The following KAT6A variants were observed in gnomAD, a reference collection of about 807,000 sequenced individuals.
KAT6A encodes lysine acetyltransferase 6A.
A neutral mutation model predicts 198.4 loss-of-function variants in KAT6A; 9 were observed. The ratio of observed to expected loss-of-function variants is 0.05; its 90% confidence interval spans 0.03 to 0.08. The LOEUF (loss-of-function observed/expected upper bound fraction) is 0.08, where lower values mean the gene tolerates loss of function less well. Among genes scored for constraint, KAT6A ranks in the 10% least tolerant of loss-of-function variants. The probability of loss-of-function intolerance (pLI) is 1.00; values close to 1 mark genes in which losing one functional copy is unlikely to be tolerated. For synonymous variants in KAT6A, 890 were observed against 883.0 expected, an observed-to-expected ratio of 1.01 and a Z score of -0.14; for missense variants, 2,077 against 2,509.9, an observed-to-expected ratio of 0.83 and a Z score of 3.69.
At chr8:42,012,654 G>A (rs990173575) in intron 2 of KAT6A, among the ~76,000 whole-genome samples, 1 of 152,210 alleles carries the variant, frequency 6.6e-6, no homozygotes, top group Non-Finnish European at 1.5e-5. Context: ...CCGACCCTCA[G>A]GATAGTGAGG....
At chr8:41,968,589 T>C (rs1349033746) in intron 8 of KAT6A, among the ~76,000 whole-genome samples, 6 of 152,218 alleles carry the variant, frequency 3.9e-5, no homozygotes, top group Admixed American at 3.3e-4. Flanking sequence ...GATCTAGAGC[T>C]AGAAATACCA....
At chr8:42,031,737 C>A (rs1220884756) in intron 2 of KAT6A, among the ~76,000 whole-genome samples, 1 of 141,566 alleles carries the variant, frequency 7.1e-6, no homozygotes, top group African/African-American at 2.6e-5. Context: ...TCAAGCAATT[C>A]TCCCTGCCTC....
chr8:42,005,782 A>ACT (rs1825711756), intron 2 of KAT6A, among the ~76,000 whole-genome samples: 1 of 139,428 alleles, frequency 7.2e-6, no homozygotes, highest in African/African-American at 2.8e-5. Flanking sequence ...ACACACACAC[A>ACT]CACACACACA....
intron 2 of KAT6A, among the ~76,000 whole-genome samples, chr8:42,001,771 A>G (rs1381338989): frequency 6.6e-6 from 1 of 152,168 alleles, no homozygotes; most frequent in African/African-American, 2.4e-5. Flanking sequence ...TACAACAAGG[A>G]ATAGGGGCTT....
intron 14 of KAT6A, 65 bp from the exon 15 acceptor site, chr8:41,941,509 T>C: frequency 1.3e-6 from 2 of 1,481,782 alleles, no homozygotes; most frequent in Non-Finnish European, 1.8e-6. Flanking sequence ...ATTTACCTAT[T>C]CTGACCTTTT....
intron 2 of KAT6A, among the ~76,000 whole-genome samples, chr8:42,034,223 G>A (rs1827265061): frequency 6.6e-6 from 1 of 152,228 alleles, no homozygotes; most frequent in African/African-American, 2.4e-5. Context: ...TCGAACTCAA[G>A]CGTGCATCAG....
Position 41,933,789 on chromosome 8 carries a change from T to C in KAT6A, c.4431A>G (p.Ser1477=), listed in dbSNP as rs199941114. The change falls in exon 17 of 17, where the codon TCA becomes TCG. Residue 1477 remains serine (S), a synonymous_variant. Coordinates refer to ENST00000265713, the MANE Select transcript of KAT6A (RefSeq NM_006766.5). The surrounding 1 kb of genome is among the most constrained non-coding windows in gnomAD (Gnocchi z 6.2). ...CGGAGGAGATAGGGCTATTATGTTC[T>C]GACGCATGACAGTCTTCAACCATGG... ...QMSMVEDCHA[S]EHNSPISSVQ... The C allele has an allele frequency of 1.2e-6, 2 of 1,614,134 alleles. No homozygotes were observed. The highest frequency in any genetic ancestry group is 8.5e-7 in the Non-Finnish European group (1 of 1,180,014).
At chr8:42,050,849 A>G (rs1014512447) in intron 1 of KAT6A, among the ~76,000 whole-genome samples, 1 of 152,104 alleles carries the variant, frequency 6.6e-6, no homozygotes, top group East Asian at 1.9e-4. Flanking sequence ...ATCAGTCTCC[A>G]GGTCTTCGGA....
At chr8:41,967,810 A>T (rs1231954436) in intron 8 of KAT6A, among the ~76,000 whole-genome samples, 3 of 152,136 alleles carry the variant, frequency 2.0e-5, no homozygotes, top group African/African-American at 7.2e-5. Context: ...AGCCCTCAGA[A>T]ATAACGTCGC....
At position 42,048,474 on chromosome 8, in the gene KAT6A, C is replaced by G. The variant is rs1802429267; in HGVS notation, c.504G>C (p.Arg168=). The G allele has an allele frequency of 2.5e-6, 4 of 1,614,158 alleles. No homozygotes were observed. The highest frequency in any genetic ancestry group is 3.4e-6 in the Non-Finnish European group (4 of 1,179,994). ...CCACGTTGGTTGCTTTAGTGTTGAG[C>G]CGATAAAGAGGTCCATCTTTAAGGA... is the stretch of plus-strand genomic sequence containing the variant. ...GRLLKDGPLY[R]LNTKATNVDG... The change falls in exon 2 of 17, where the codon CGG becomes CGC. Residue 168 remains arginine, a synonymous_variant. Transcript: ENST00000265713.
At chr8:41,984,578 A>G (rs762550173) in intron 3 of KAT6A, among the ~76,000 whole-genome samples, 3 of 152,230 alleles carry the variant, frequency 2.0e-5, no homozygotes, top group Admixed American at 1.3e-4. Flanking sequence ...CAGAAACAGT[A>G]TGAAGTAAAA....
chr8:42,006,870 C>A (rs1257404611), intron 2 of KAT6A, among the ~76,000 whole-genome samples: 2 of 151,870 alleles, frequency 1.3e-5, no homozygotes, highest in Non-Finnish European at 2.9e-5. Flanking sequence ...GTGATGCACA[C>A]CTGTAATCCC....
At chr8:41,986,425 C>A (rs2150892783) in intron 3 of KAT6A, among the ~76,000 whole-genome samples, 1 of 152,244 alleles carries the variant, frequency 6.6e-6, no homozygotes, top group Non-Finnish European at 1.5e-5. Context: ...CATCCTGGTT[C>A]TATTCATCAA....
At chr8:42,012,908 A>G (rs1240661761) in intron 2 of KAT6A, among the ~76,000 whole-genome samples, 1 of 152,198 alleles carries the variant, frequency 6.6e-6, no homozygotes, top group African/African-American at 2.4e-5. Flanking sequence ...TGACAACTAC[A>G]TGGATGAATC....
chr8:41,959,772 C>T (rs909613952), intron 8 of KAT6A, among the ~76,000 whole-genome samples: 1 of 152,154 alleles, frequency 6.6e-6, no homozygotes, highest in Admixed American at 6.5e-5. Context: ...TCCTGGCCAA[C>T]GTGGTGAAAC....
chr8:42,026,578 G>A (rs1826824959), intron 2 of KAT6A, among the ~76,000 whole-genome samples: 2 of 152,094 alleles, frequency 1.3e-5, no homozygotes, highest in Non-Finnish European at 2.9e-5. Flanking sequence ...TGTTATTGGT[G>A]TATGGAAACA....
chr8:42,018,387 T>A (rs897770533), intron 2 of KAT6A, among the ~76,000 whole-genome samples: 1 of 152,140 alleles, frequency 6.6e-6, no homozygotes, highest in Non-Finnish European at 1.5e-5. Context: ...GGCACATGCC[T>A]GTTAATTCCA....
chr8:41,939,855 T>C (rs1020470362), intron 15 of KAT6A, among the ~76,000 whole-genome samples: 8 of 152,138 alleles, frequency 5.3e-5, no homozygotes, highest in Admixed American at 4.6e-4. Context: ...GTATGAACTC[T>C]AGTTACTGAT....
intron 15 of KAT6A, among the ~76,000 whole-genome samples, chr8:41,937,996 C>T (rs771693431): frequency 1.3e-5 from 2 of 152,086 alleles, no homozygotes; most frequent in African/African-American, 2.4e-5. Flanking sequence ...AAGTTGTATG[C>T]CATTTTCATG....
Sources: gnomAD v4.1 joint callset for allele counts (sites outside exome capture counted in the v4.1 genomes callset) on GRCh38, gnomAD v4.1.1 for gene constraint, Gnocchi (gnomAD v3.1) non-coding constraint, MANE v1.5 for transcripts, NCBI Gene and HGNC (gene_info 2026-07-23, HGNC 2026-07-21) for gene names.